Variants in RASGRP4 observed in about 807,000 individuals in gnomAD.
RASGRP4 encodes the protein RAS guanyl-releasing protein 4.
RASGRP4 carries 52 observed loss-of-function variants against 84.4 expected under a neutral mutation model. That is an observed-to-expected ratio of 0.62 (90% CI 0.49 to 0.78). The LOEUF is 0.78. RASGRP4 is among the 30% of genes least tolerant of loss of function. RASGRP4 has a pLI of 0.00. For missense variants in RASGRP4, 760 were observed against 886.9 expected, an observed-to-expected ratio of 0.86 and a Z score of 1.82; for synonymous variants, 356 against 359.1, an observed-to-expected ratio of 0.99 and a Z score of 0.10.
At chr19:38,419,734 T>C in intron 6 of RASGRP4, 126 bp downstream of exon 6, 1 of 1,006,704 alleles carries the variant, frequency 9.9e-7, no homozygotes, top group Non-Finnish European at 1.5e-6. Context: ...AGGTTTGAGT[T>C]TAAGACTTTG....
chr19:38,416,699 C>T (rs188999218), intron 8 of RASGRP4, among the ~76,000 whole-genome samples: 3 of 152,236 alleles, frequency 2.0e-5, no homozygotes, highest in East Asian at 1.9e-4. Context: ...TCTTACAAGG[C>T]GCTATAGGAT....
intron 8 of RASGRP4, among the ~76,000 whole-genome samples, chr19:38,416,226 G>A (rs953696326): frequency 1.8e-4 from 28 of 151,812 alleles, no homozygotes; most frequent in African/African-American, 6.8e-4. Context: ...CACTTTTGGA[G>A]GCCAAGGTGG....
rs1378949316 is a variant in RASGRP4, at chr19:38,418,669, C to T, written c.664-105G>A. On this transcript the variant is annotated intron_variant, in intron 6 of 16. Coordinates refer to ENST00000615439, the MANE Select transcript of RASGRP4 (RefSeq NM_170604.3). The surrounding 1 kb of genome is among the most constrained non-coding windows in gnomAD (Gnocchi z 4.6). ...CTCTGATGTCCTAGCCTGGTCTAGC[C>T]GGAGTGACCTTTGTCATCTGTCCCC... 2.0e-5 allele frequency: 23 copies of T among 1,152,926 alleles called. No individual in the cohort carries two copies. Among genetic ancestry groups the T allele is most frequent in the East Asian group, 8.3e-5 (3 of 36,030 alleles). The allele number at this position is 1,152,926 out of a possible 1,614,324, so 71.4% of individuals were successfully genotyped here. A position where few individuals can be genotyped will look rare whatever the true frequency, so the allele number is the denominator to read the frequency against.
Position 38,418,583 on chromosome 19 carries a change from T to C in RASGRP4, c.664-19A>G. On this transcript the variant is annotated intron_variant, in intron 6 of 16. Coordinates refer to ENST00000615439, the MANE Select transcript of RASGRP4 (RefSeq NM_170604.3). The surrounding 1 kb of genome is among the most constrained non-coding windows in gnomAD (Gnocchi z 4.6). ...CCTGGGGCTGGGAGCGAGGTGGGTG[T>C]CAAGGTGGGCCGTGGCGCTCAGGCC... 6.7e-7 allele frequency: 1 copy of C among 1,493,484 alleles called. No homozygotes were observed. The allele number at this position is 1,493,484 out of a possible 1,614,324, so 92.5% of individuals were successfully genotyped here. A position where few individuals can be genotyped will look rare whatever the true frequency, so the allele number is the denominator to read the frequency against.
At chr19:38,421,622 G>A (rs2145234893) in intron 2 of RASGRP4, among the ~76,000 whole-genome samples, 2 of 152,184 alleles carry the variant, frequency 1.3e-5, no homozygotes, top group Middle Eastern at 3.4e-3. Context: ...TGAGGCAGGA[G>A]AATCTCTTGA....
Position 38,417,288 on chromosome 19 carries a change from A to T in RASGRP4, c.838-120T>A. ...ATGTGTGGACCAATGTGGGGATCAG[A>T]CAGGTGAGAGAAGGCGGGTGTGTGC... On this transcript the variant is annotated intron_variant, in intron 7 of 16. Coordinates refer to ENST00000615439, the MANE Select transcript of RASGRP4 (RefSeq NM_170604.3). The surrounding 1 kb of genome is among the most constrained non-coding windows in gnomAD (Gnocchi z 5.1). 1.4e-6 allele frequency: 1 copy of T among 692,438 alleles called. No individual in the cohort carries two copies. Among genetic ancestry groups the T allele is most frequent in the Admixed American group, 2.1e-5 (1 of 47,760 alleles). The allele number at this position is 692,438 out of a possible 1,614,324, so 42.9% of individuals were successfully genotyped here.
At chr19:38,420,089 T>C in intron 5 of RASGRP4, 42 bp downstream of exon 5, 1 of 1,607,312 alleles carries the variant, frequency 6.2e-7, no homozygotes, top group South Asian at 1.1e-5. Flanking sequence ...GATGGCAGAA[T>C]GGCGATGGGG....
In RASGRP4 at chr19:38,417,196, C is replaced by T. The variant is rs763162864; in HGVS notation, c.838-28G>A. On this transcript the variant is annotated intron_variant, in intron 7 of 16. Coordinates refer to ENST00000615439, the MANE Select transcript of RASGRP4 (RefSeq NM_170604.3). The surrounding 1 kb of genome is among the most constrained non-coding windows in gnomAD (Gnocchi z 5.1). The stretch of plus-strand genomic sequence containing the variant: ...AGGAAGAGAAGCATGCACACAGGGC[C>T]GTCACGGGAGGGAGGGCAAGTCAGG... 6.8e-6 allele frequency: 10 copies of T among 1,464,470 alleles called. No homozygotes were observed. Among genetic ancestry groups the T allele is most frequent in the East Asian group, 2.5e-5 (1 of 40,496 alleles). 90.7% of individuals were successfully genotyped at this position (1,464,470 alleles called of 1,614,324 possible).
intron 6 of RASGRP4, 107 bp downstream of exon 6, chr19:38,419,753 G>A (rs1202515882): frequency 3.3e-5 from 37 of 1,127,688 alleles, no homozygotes; most frequent in Non-Finnish European, 4.4e-5. Flanking sequence ...TGAGATCTCT[G>A]CCGAATGACC....
chr19:38,412,532 T>G lies in RASGRP4; in HGVS notation c.1680+140A>C. On this transcript the variant is annotated intron_variant, in intron 13 of 16. Coordinates refer to ENST00000615439, the MANE Select transcript of RASGRP4 (RefSeq NM_170604.3). This position sits in a 1 kb window ranked among gnomAD's most constrained non-coding sequence, Gnocchi z 4.6. ...TGGAGATTATCCAGGATATAGGGAA[T>G]GTCTGGTGTTTAGGGTTTATATGAA... is the stretch of plus-strand genomic sequence containing the variant. The G allele has an allele frequency of 1.3e-6, 1 of 754,282 alleles. No homozygotes were observed. Among genetic ancestry groups the G allele is most frequent in the Non-Finnish European group, 2.1e-6 (1 of 475,176 alleles). The allele number at this position is 754,282 out of a possible 1,614,324, so 46.7% of individuals were successfully genotyped here. A position where few individuals can be genotyped will look rare whatever the true frequency, so the allele number is the denominator to read the frequency against.
At chr19:38,410,806 T>A in intron 16 of RASGRP4, 80 bp downstream of exon 16, 1 of 1,030,204 alleles carries the variant, frequency 9.7e-7, no homozygotes, top group Non-Finnish European at 1.5e-6. Context: ...TCTATGGGTC[T>A]CCAAATCTGT....
At chr19:38,424,968 G>A (rs1018816743) in intron 1 of RASGRP4, among the ~76,000 whole-genome samples, 26 of 151,898 alleles carry the variant, frequency 1.7e-4, no homozygotes, top group Non-Finnish European at 3.5e-4. Context: ...GGTGGATCAC[G>A]AGGTCAAGAG....
At chr19:38,410,133 A>G (rs1438553365) in intron 16 of RASGRP4, 37 bp from the exon 17 acceptor site, 3 of 1,554,786 alleles carry the variant, frequency 1.9e-6, no homozygotes, top group Admixed American at 3.4e-5. Flanking sequence ...ATGACAGATG[A>G]TGTGGGGAGC....
rs763227583 is a variant in RASGRP4 at position 38,420,145 on chromosome 19, T to A, written c.495A>T (p.Gly165=). The change falls in exon 5 of 17, where the codon GGA becomes GGT. Residue 165 remains glycine, a synonymous_variant. Coordinates refer to ENST00000615439, the MANE Select transcript of RASGRP4 (RefSeq NM_170604.3). ...GGCTGACTCACAGGTCAGAAGAGTC[T>A]CCCAGTCTTCTCTGGGCTGAGTTGC... ...REGNSAQRRL[G]DSSDLLSPGG... The A allele has an allele frequency of 8.7e-6, 14 of 1,613,038 alleles. No individual in the cohort carries two copies. The Admixed American group carries it at 2.3e-4, about 27-fold the overall frequency.
At position 38,419,844 on chromosome 19, in the gene RASGRP4, G is replaced by A; in HGVS notation, c.663+16C>T. 6.4e-7 allele frequency: 1 copy of A among 1,574,186 alleles called. No individual in the cohort carries two copies. The highest frequency in any genetic ancestry group is 8.6e-7 in the Non-Finnish European group (1 of 1,158,480). On this transcript the variant is annotated intron_variant, in intron 6 of 16. Transcript: ENST00000615439. ...TGTCTCCCCTGCTTGGGACGGGGAT[G>A]GGAGGGGGTCCTCACCGTGATAGCC...
At chr19:38,415,814 T>G (rs1286906354) in intron 8 of RASGRP4, among the ~76,000 whole-genome samples, 1 of 151,444 alleles carries the variant, frequency 6.6e-6, no homozygotes, top group Non-Finnish European at 1.5e-5. Flanking sequence ...ATCCCAGCAT[T>G]TTGAGAGGCC....
At position 38,409,923 on chromosome 19, in the gene RASGRP4, G is replaced by T; in HGVS notation, c.*117C>A. ...ACGGACGTACCACTAAAGGCAGTGT[G>T]GATGGGAAGGCGGATGCCTCTGGAG... is the stretch of plus-strand genomic sequence containing the variant. On this transcript the variant is annotated 3_prime_UTR_variant, in exon 17 of 17. Coordinates refer to ENST00000615439, the MANE Select transcript of RASGRP4 (RefSeq NM_170604.3). 1.4e-6 allele frequency: 1 copy of T among 699,104 alleles called. No homozygotes were observed. The highest frequency in any genetic ancestry group is 2.4e-6 in the Non-Finnish European group (1 of 408,968). The allele number at this position is 699,104 out of a possible 1,614,324, so 43.3% of individuals were successfully genotyped here.
At position 38,422,105 on chromosome 19, in the gene RASGRP4, G is replaced by A. The variant is rs1226225218; in HGVS notation, c.72C>T (p.Pro24=). 1 of 1,613,052 alleles carries A rather than the reference G, an allele frequency of 6.2e-7. No homozygotes were observed. The highest frequency in any genetic ancestry group is 1.1e-5 in the South Asian group (1 of 91,068). ...CTGKIGGRGR[P]RQVRRHKTCP... Reference sequence around the variant, plus strand: ...ATGTCTTGTGGCGGCGCACTTGGCGGGGCCGGCCTCGCCCTCCTATTTTTC... The same window carrying A: ...ATGTCTTGTGGCGGCGCACTTGGCGAGGCCGGCCTCGCCCTCCTATTTTTC... The change falls in exon 2 of 17, where the codon CCC becomes CCT. Residue 24 remains proline (P), a synonymous_variant. Transcript: ENST00000615439.
chr19:38,415,205 T>C, intron 8 of RASGRP4, 82 bp from the exon 9 acceptor site: 1 of 1,322,262 alleles, frequency 7.6e-7, no homozygotes, highest in Non-Finnish European at 1.0e-6. Context: ...CTCTAGGCCT[T>C]CAGGGACCCA....
Sources: allele counts gnomAD v4.1 joint callset (sites outside exome capture counted in the v4.1 genomes callset), GRCh38; gene constraint gnomAD v4.1.1; non-coding constraint Gnocchi (gnomAD v3.1); transcripts MANE v1.5; gene names NCBI Gene and HGNC (gene_info 2026-07-23, HGNC 2026-07-21).